ZSWIM8: variants seen among roughly 807,000 people sequenced by gnomAD.
ZSWIM8 encodes zinc finger SWIM domain-containing protein 8.
ZSWIM8 carries 27 observed loss-of-function variants against 173.7 expected under a neutral mutation model. The ratio of observed to expected loss-of-function variants is 0.16; its 90% CI spans 0.11 to 0.21. The LOEUF is 0.21. Among genes scored for constraint, ZSWIM8 ranks in the 10% least tolerant of loss-of-function variants. The probability of loss-of-function intolerance (pLI) is 1.00; values close to 1 mark genes in which losing one functional copy is unlikely to be tolerated. For missense variants in ZSWIM8, 1,627 were observed against 2,428.8 expected, an observed-to-expected ratio of 0.67 and a Z score of 6.94; for synonymous variants, 958 against 962.0, an observed-to-expected ratio of 1.00 and a Z score of 0.08.
At position 73,791,418 on chromosome 10, in the gene ZSWIM8, C is replaced by G. The variant is rs1426211248; in HGVS notation, c.1238C>G (p.Ala413Gly). ...AGCAACGGGCAGTCAGAGGTGGCAG[C>G]CCATGCCTGTGCCAGCATGTGTGAC... ...GRSNGQSEVA[A>G]HACASMCDEM... Residue 413 changes from alanine (A) to glycine (G), a missense_variant, in exon 9 of 26, where the codon GCC becomes GGC. Around this residue, in one of 18 missense-constraint regions of ZSWIM8, gnomAD observed 103 missense variants for 155.6 expected, o/e 0.66. Transcript: ENST00000604729. This position sits in a 1 kb window ranked among gnomAD's most constrained non-coding sequence, Gnocchi z 6.0. 1 of 1,613,954 alleles carries G rather than the reference C, an allele frequency of 6.2e-7. No individual in the cohort carries two copies. The highest frequency in any genetic ancestry group is 1.7e-5 in the Admixed American group (1 of 60,018).
chr10:73,796,586 A>C (rs964939835), intron 15 of ZSWIM8, 188 bp from the exon 16 acceptor site: 2 of 698,878 alleles, frequency 2.9e-6, no homozygotes, highest in Non-Finnish European at 4.7e-6. Context: ...GGATACCAAG[A>C]TATGTTGGGG....
rs766178122 is a variant in ZSWIM8, at chr10:73,791,452, C to A, written c.1272C>A (p.Val424=). Residue 424 remains valine, a synonymous_variant, in exon 9 of 26, where the codon GTC becomes GTA. Coordinates refer to ENST00000604729, the MANE Select transcript of ZSWIM8 (RefSeq NM_001367799.1). The surrounding 1 kb of genome is among the most constrained non-coding windows in gnomAD (Gnocchi z 6.0). ...GTGCCAGCATGTGTGACGAGATGGT[C>A]ACACTGTGGAGGCTGGCCGTGCTGG... ...HACASMCDEM[V]TLWRLAVLDP... is the part of the protein sequence containing the mutation. 2.5e-6 allele frequency: 4 copies of A among 1,613,224 alleles called. No homozygotes were observed. In the South Asian group the frequency reaches 3.3e-5, roughly 13 times the overall value.
chr10:73,790,048 T>G lies in ZSWIM8; in HGVS notation c.820+11T>G, dbSNP rs1340282921. On this transcript the variant is annotated intron_variant, in intron 6 of 25. Coordinates refer to ENST00000604729, the MANE Select transcript of ZSWIM8 (RefSeq NM_001367799.1). ...TGTGTGGAGCTCCGGGTGAGTGTGGTGAGAAAGATTGGCAGTAGGAAGAAA... is the reference window on the plus strand; with the variant it reads ...TGTGTGGAGCTCCGGGTGAGTGTGGGGAGAAAGATTGGCAGTAGGAAGAAA... 6 of 1,610,846 alleles carry G rather than the reference T, an allele frequency of 3.7e-6. No individual in the cohort carries two copies. The highest frequency in any genetic ancestry group is 5.1e-6 in the Non-Finnish European group (6 of 1,178,484).
chr10:73,800,722 T>C lies in ZSWIM8; in HGVS notation c.5085T>C (p.Asp1695=), dbSNP rs2083907834. ...TCTCCCGCTCCCCCCCCTACACTGA[T>C]GATGTCAAATGGTTGCTGGGGCTGG... The part of the protein sequence containing the change: ...NNFSRSPPYT[D]DVKWLLGLAA... The change falls in exon 24 of 26, where the codon GAT becomes GAC. Residue 1695 remains aspartate, a synonymous_variant. Transcript: ENST00000604729. This position sits in a 1 kb window ranked among gnomAD's most constrained non-coding sequence, Gnocchi z 4.1. 4 of 1,612,522 alleles carry C rather than the reference T, an allele frequency of 2.5e-6. No individual in the cohort carries two copies. The East Asian group carries it at 8.9e-5, about 36-fold the overall frequency.
In ZSWIM8 at chr10:73,797,770, T is replaced by TG; in HGVS notation, c.3663-10dup. On this transcript the variant is annotated splice_polypyrimidine_tract_variant and intron_variant, in intron 18 of 25. Coordinates refer to ENST00000604729, the MANE Select transcript of ZSWIM8 (RefSeq NM_001367799.1). This position sits in a 1 kb window ranked among gnomAD's most constrained non-coding sequence, Gnocchi z 5.6. ...ACCCCAACCCCCGTCCCTACCCCATTGCCCCTTCAGGTACAAGGGCCGCCG... is the reference window on the plus strand; with the variant it reads ...ACCCCAACCCCCGTCCCTACCCCATTGGCCCCTTCAGGTACAAGGGCCGCCG... 1.9e-6 allele frequency: 3 copies of TG among 1,609,402 alleles called. No individual in the cohort carries two copies. The highest frequency in any genetic ancestry group is 2.5e-6 in the Non-Finnish European group (3 of 1,176,646).
chr10:73,792,113 A>G lies in ZSWIM8; in HGVS notation c.1574A>G (p.Glu525Gly). The change falls in exon 10 of 26, where the codon GAG becomes GGG. Residue 525 changes from glutamate (E) to glycine (G), a missense_variant. By Grantham distance (98) the Glu-to-Gly change is moderately conservative (BLOSUM62 -2). Coordinates refer to ENST00000604729, the MANE Select transcript of ZSWIM8 (RefSeq NM_001367799.1). This position sits in a 1 kb window ranked among gnomAD's most constrained non-coding sequence, Gnocchi z 4.3. ...RPGASRSGGL[E>G]ESRDRPRPLP... ...GGTGCCTCCCGCTCTGGGGGCCTGG[A>G]GGAATCCCGGGACCGGCCCCGACCC... 1 of 1,532,490 alleles carries G rather than the reference A, an allele frequency of 6.5e-7. No homozygotes were observed. Among genetic ancestry groups the G allele is most frequent in the Non-Finnish European group, 8.8e-7 (1 of 1,135,954 alleles). 94.9% of individuals were successfully genotyped at this position (1,532,490 alleles called of 1,614,324 possible).
chr10:73,801,347 C>G lies in ZSWIM8; in HGVS notation c.5333C>G (p.Pro1778Arg). Residue 1778 changes from proline to arginine, a missense_variant, in exon 26 of 26, where the codon CCT becomes CGT. Physicochemically the swap from Pro to Arg is moderately radical, Grantham distance 103. Around this residue, in one of 18 missense-constraint regions of ZSWIM8, gnomAD observed 122 missense variants for 196.1 expected, o/e 0.62. Coordinates refer to ENST00000604729, the MANE Select transcript of ZSWIM8 (RefSeq NM_001367799.1). The surrounding 1 kb of genome is among the most constrained non-coding windows in gnomAD (Gnocchi z 4.9). Reference sequence around the variant, plus strand: ...CACCACCGCTTGATTCACCTGACTCCTGCGGACTACGACGACTTTGTGAAT... The same window carrying G: ...CACCACCGCTTGATTCACCTGACTCGTGCGGACTACGACGACTTTGTGAAT... Reference protein sequence around the residue: ...YIHHRLIHLTPADYDDFVNAI... With the variant: ...YIHHRLIHLTRADYDDFVNAI... 6.2e-7 allele frequency: 1 copy of G among 1,613,980 alleles called. No individual in the cohort carries two copies. Among genetic ancestry groups the G allele is most frequent in the South Asian group, 1.1e-5 (1 of 91,090 alleles).
chr10:73,797,238 G>A lies in ZSWIM8; in HGVS notation c.3400G>A (p.Gly1134Arg), dbSNP rs1384316984. Reference protein sequence around the residue: ...SRGGYNGRGWGSPGRPKKKHT... With the variant: ...SRGGYNGRGWRSPGRPKKKHT... ...TGGAGGCTATAATGGACGGGGATGG[G>A]GGTCCCCAGGACGGCCTAAGAAGAA... Residue 1134 changes from glycine to arginine, a missense_variant, in exon 17 of 26, where the codon GGG becomes AGG. By Grantham distance (125) the Gly-to-Arg change is moderately radical (BLOSUM62 -2). Around this residue, in one of 18 missense-constraint regions of ZSWIM8, gnomAD observed 163 missense variants for 193.2 expected, o/e 0.84. Transcript: ENST00000604729. The surrounding 1 kb of genome is among the most constrained non-coding windows in gnomAD (Gnocchi z 5.6). 1 of 1,613,978 alleles carries A rather than the reference G, an allele frequency of 6.2e-7. No individual in the cohort carries two copies. Among genetic ancestry groups the A allele is most frequent in the Non-Finnish European group, 8.5e-7 (1 of 1,179,866 alleles).
Position 73,789,664 on chromosome 10 carries a change from G to C in ZSWIM8, c.631-53G>C. On this transcript the variant is annotated intron_variant, in intron 4 of 25. Coordinates refer to ENST00000604729, the MANE Select transcript of ZSWIM8 (RefSeq NM_001367799.1). This position sits in a 1 kb window ranked among gnomAD's most constrained non-coding sequence, Gnocchi z 6.8. Reference sequence around the variant, plus strand: ...TCTGCCTCTCTGTCCCCCAGCTCCAGCTCCAGCAAACCTGTTCTCAGATTG... The same window carrying C: ...TCTGCCTCTCTGTCCCCCAGCTCCACCTCCAGCAAACCTGTTCTCAGATTG... The C allele has an allele frequency of 6.4e-7, 1 of 1,556,358 alleles. No homozygotes were observed. The highest frequency in any genetic ancestry group is 8.7e-7 in the Non-Finnish European group (1 of 1,147,640).
chr10:73,791,676 T>G lies in ZSWIM8; in HGVS notation c.1319+177T>G, dbSNP rs1215153068. 6.6e-6 allele frequency among the ~76,000 whole-genome samples: 1 copy of G among 152,198 alleles called. No homozygotes were observed. The highest frequency in any genetic ancestry group is 2.4e-5 in the African/African-American group (1 of 41,458). On this transcript the variant is annotated intron_variant, in intron 9 of 25. Transcript: ENST00000604729. The surrounding 1 kb of genome is among the most constrained non-coding windows in gnomAD (Gnocchi z 6.0). Reference sequence around the variant, plus strand: ...TCCTTTTTCTGAGAGGCTTTCATCCTTCCTTCCCCTAAATAACACCCACTT... The same window carrying G: ...TCCTTTTTCTGAGAGGCTTTCATCCGTCCTTCCCCTAAATAACACCCACTT...
chr10:73,790,230 A>C lies in ZSWIM8; in HGVS notation c.879A>C (p.Thr293=). The change falls in exon 7 of 26, where the codon ACA becomes ACC. Residue 293 remains threonine, a synonymous_variant. Coordinates refer to ENST00000604729, the MANE Select transcript of ZSWIM8 (RefSeq NM_001367799.1). ...DQSTWYLDES[T]LTDNIKKTLH... ...GTACTTGGTATCTGGATGAATCGAC[A>C]CTCACTGACAACATCAAAAAGACAC... The C allele has an allele frequency of 6.2e-7, 1 of 1,613,684 alleles. No homozygotes were observed. The highest frequency in any genetic ancestry group is 8.5e-7 in the Non-Finnish European group (1 of 1,179,746).
chr10:73,788,740 G>A lies in ZSWIM8; in HGVS notation c.279G>A (p.Val93=), dbSNP rs1183565442. 5 of 1,614,012 alleles carry A rather than the reference G, an allele frequency of 3.1e-6. No homozygotes were observed. In the East Asian group the frequency reaches 1.1e-4, roughly 36 times the overall value. ...QVAFHIPFEV[V]EKVYPPVPEQ... is the part of the protein sequence containing the mutation. ...CATTTCATATCCCATTTGAAGTGGT[G>A]GAGAAAGTTTACCCACCAGTGCCTG... Residue 93 remains valine (V), a synonymous_variant, in exon 2 of 26, where the codon GTG becomes GTA. Coordinates refer to ENST00000604729, the MANE Select transcript of ZSWIM8 (RefSeq NM_001367799.1).
Position 73,792,067 on chromosome 10 carries a change from C to T in ZSWIM8, c.1528C>T (p.Arg510Trp), listed in dbSNP as rs762336991. The change falls in exon 10 of 26, where the codon CGG becomes TGG. Residue 510 changes from arginine (R) to tryptophan (W), a missense_variant. Transcript: ENST00000604729. The surrounding 1 kb of genome is among the most constrained non-coding windows in gnomAD (Gnocchi z 4.3). ...CAGGAAGCTGGCACTGTGCTGGGCC[C>T]GGGCCCTGCCCTCTCGGCCAGGTGC... is the stretch of plus-strand genomic sequence containing the variant. ...TDRKLALCWA[R>W]ALPSRPGASR... The T allele has an allele frequency of 5.3e-5, 81 of 1,539,002 alleles. No individual in the cohort carries two copies. Among genetic ancestry groups the T allele is most frequent in the Middle Eastern group, 1.7e-4 (1 of 5,936 alleles).
intron 21 of ZSWIM8, 190 bp downstream of exon 21, chr10:73,799,680 C>T (rs930987326): frequency 1.2e-6 from 1 of 825,140 alleles, no homozygotes. Flanking sequence ...CCTGTAATCC[C>T]AGCACTTTGA....
rs749096821 is a variant in ZSWIM8, at chr10:73,801,495, C to T, written c.5481C>T (p.Leu1827=). The change falls in exon 26 of 26, where the codon CTC becomes CTT. Residue 1827 remains leucine (L), a synonymous_variant. Transcript: ENST00000604729. This position sits in a 1 kb window ranked among gnomAD's most constrained non-coding sequence, Gnocchi z 4.9. ...AGGAGCTGTGGCAGCGGGTCTCACT[C>T]GAGATGGCCACCTTCTCCCCCTGAG... is the stretch of plus-strand genomic sequence containing the variant. ...QTKELWQRVS[L]EMATFSP 9 of 1,613,922 alleles carry T rather than the reference C, an allele frequency of 5.6e-6. No homozygotes were observed. Among genetic ancestry groups the T allele is most frequent in the South Asian group, 2.2e-5 (2 of 91,076 alleles).
In ZSWIM8 at chr10:73,789,581, A is replaced by T. The variant is rs748981291; in HGVS notation, c.630+42A>T. ...TTATCCCGGCCCTATCCTACACTCC[A>T]TCCCCCCCTTCTCTGCTGCATGCCT... is the stretch of plus-strand genomic sequence containing the variant. On this transcript the variant is annotated intron_variant, in intron 4 of 25. Coordinates refer to ENST00000604729, the MANE Select transcript of ZSWIM8 (RefSeq NM_001367799.1). The surrounding 1 kb of genome is among the most constrained non-coding windows in gnomAD (Gnocchi z 6.8). 8.8e-6 allele frequency: 14 copies of T among 1,594,064 alleles called. No homozygotes were observed. Among genetic ancestry groups the T allele is most frequent in the Middle Eastern group, 1.9e-4 (1 of 5,192 alleles).
At position 73,786,025 on chromosome 10, in the gene ZSWIM8, G is replaced by A; in HGVS notation, c.147G>A (p.Ala49=). The change falls in exon 1 of 26, where the codon GCG becomes GCA. Residue 49 remains alanine, a synonymous_variant. Coordinates refer to ENST00000604729, the MANE Select transcript of ZSWIM8 (RefSeq NM_001367799.1). The part of the protein sequence containing the change: ...QNWRGWRKQS[A]GPNSPTGGGG... Reference sequence around the variant, plus strand: ...GGCGGGGATGGCGCAAACAGTCAGCGGGGCCCAATTCCCCCACTGGCGGCG... The same window carrying A: ...GGCGGGGATGGCGCAAACAGTCAGCAGGGCCCAATTCCCCCACTGGCGGCG... 6.2e-7 allele frequency: 1 copy of A among 1,604,354 alleles called. No individual in the cohort carries two copies. The highest frequency in any genetic ancestry group is 1.1e-5 in the South Asian group (1 of 89,678).
chr10:73,797,026 G>C lies in ZSWIM8; in HGVS notation c.3274+12G>C. The C allele has an allele frequency of 6.2e-7, 1 of 1,609,214 alleles. No homozygotes were observed. Among genetic ancestry groups the C allele is most frequent in the Non-Finnish European group, 8.5e-7 (1 of 1,176,622 alleles). On this transcript the variant is annotated intron_variant, in intron 16 of 25. Coordinates refer to ENST00000604729, the MANE Select transcript of ZSWIM8 (RefSeq NM_001367799.1). This position sits in a 1 kb window ranked among gnomAD's most constrained non-coding sequence, Gnocchi z 5.6. ...GAAGAATGTGCCTGGTGAGGTGGGGGCACTGGGCAGGGGGGATGAATGGTG... is the reference window on the plus strand; with the variant it reads ...GAAGAATGTGCCTGGTGAGGTGGGGCCACTGGGCAGGGGGGATGAATGGTG...
chr10:73,798,454 G>A lies in ZSWIM8; in HGVS notation c.4176+1G>A. ...GGCCCTGGTGCAGTGCAAGGAACAG[G>A]TATTTCTACGGGCAATCTGGGAACC... is the stretch of plus-strand genomic sequence containing the variant. On this transcript the variant is annotated splice_donor_variant, in intron 20 of 25. Transcript: ENST00000604729. LOFTEE classifies it high-confidence loss of function. The A allele has an allele frequency of 6.2e-7, 1 of 1,610,736 alleles. No individual in the cohort carries two copies. Among genetic ancestry groups the A allele is most frequent in the African/African-American group, 1.3e-5 (1 of 75,010 alleles).
Sources: gnomAD v4.1 joint callset for allele counts (sites outside exome capture counted in the v4.1 genomes callset) on GRCh38, gnomAD v4.1.1 for gene constraint, gnomAD v4.1.1 regional missense constraint, Gnocchi (gnomAD v3.1) non-coding constraint, MANE v1.5 for transcripts, NCBI Gene and HGNC (gene_info 2026-07-23, HGNC 2026-07-21) for gene names.